Variants in LHFPL3 observed in about 807,000 individuals in gnomAD.
The protein encoded by LHFPL3 is LHFPL tetraspan subfamily member 3 protein.
LHFPL3 carries 5 observed loss-of-function variants against 19.3 expected under a neutral mutation model. The observed-to-expected ratio is 0.26, with a 90% confidence interval of 0.14 to 0.54. The LOEUF (loss-of-function observed/expected upper bound fraction) is 0.54, where lower values mean the gene tolerates loss of function less well. Among genes scored for constraint, LHFPL3 ranks in the 20% least tolerant of loss-of-function variants. The pLI, the probability that LHFPL3 is intolerant of heterozygous loss-of-function variation, is 0.94. For missense variants in LHFPL3, 249 were observed against 307.4 expected, an observed-to-expected ratio of 0.81 and a Z score of 1.42; for synonymous variants, 133 against 126.2, an observed-to-expected ratio of 1.05 and a Z score of -0.36.
intron 2 of LHFPL3, among the ~76,000 whole-genome samples, chr7:104,747,584 A>G (rs1794072726): frequency 2.0e-5 from 3 of 152,248 alleles, no homozygotes; most frequent in African/African-American, 7.2e-5. Context: ...TCAAGCAAAT[A>G]TAAGTAATAC....
chr7:104,891,517 C>CTGT (rs1792246429), intron 2 of LHFPL3, among the ~76,000 whole-genome samples: 1 of 152,148 alleles, frequency 6.6e-6, no homozygotes, highest in Non-Finnish European at 1.5e-5. Flanking sequence ...TTTAAAGGTC[C>CTGT]CACTGTTAAT....
chr7:104,690,575 A>C (rs1030374850), intron 1 of LHFPL3, among the ~76,000 whole-genome samples: 1 of 152,248 alleles, frequency 6.6e-6, no homozygotes, highest in Non-Finnish European at 1.5e-5. Flanking sequence ...GCCAGGGGAT[A>C]GGAAATAAAT....
chr7:104,668,040 G>C, intron 1 of LHFPL3: 1 of 1,613,724 alleles, frequency 6.2e-7, no homozygotes, highest in Non-Finnish European at 8.5e-7. Context: ...ACCCTACACT[G>C]CTTTTCTAGG....
Position 104,636,219 on chromosome 7 carries a change from T to G in LHFPL3, c.446-100456T>G, listed in dbSNP as rs1791726866. Among the ~76,000 whole-genome samples the G allele has an allele frequency of 2.6e-5, 4 of 152,070 alleles. No homozygotes were observed. The South Asian group carries it at 8.3e-4, about 32-fold the overall frequency. On this transcript the variant is annotated intron_variant, in intron 1 of 2. Transcript: ENST00000424859. ...GGAAATTAAGAGCTTTTTTCAATAG[T>G]TAGTGTCTAAAGCAGATGCATTTAG... is the stretch of plus-strand genomic sequence containing the variant.
At position 104,736,591 on chromosome 7, in the gene LHFPL3, G is replaced by T. The variant is rs957143723; in HGVS notation, c.446-84G>T. On this transcript the variant is annotated intron_variant, in intron 1 of 2. Transcript: ENST00000424859. ...CAAGAATAATTTGAAACAATGATTC[G>T]ACAGACAGTGGAAACATTTGCTAAG... is the stretch of plus-strand genomic sequence containing the variant. 4 of 831,410 alleles carry T rather than the reference G, an allele frequency of 4.8e-6. No individual in the cohort carries two copies. In the South Asian group the frequency reaches 6.6e-5, roughly 14 times the overall value. 51.5% of individuals were successfully genotyped at this position (831,410 alleles called of 1,614,324 possible). A position where few individuals can be genotyped will look rare whatever the true frequency, so the allele number is the denominator to read the frequency against.
intron 1 of LHFPL3, among the ~76,000 whole-genome samples, chr7:104,350,838 G>A (rs548872577): frequency 5.1e-4 from 77 of 152,214 alleles, no homozygotes; most frequent in Admixed American, 2.1e-3. Flanking sequence ...TCAGGAATTC[G>A]AGACCAGCCT....
At chr7:104,483,781 AT>A (rs1554399408) in intron 1 of LHFPL3, among the ~76,000 whole-genome samples, 1 of 151,768 alleles carries the variant, frequency 6.6e-6, no homozygotes, top group East Asian at 1.9e-4. Flanking sequence ...ATGACCAGCT[AT>A]TTTTTTTAAA....
At chr7:104,728,066 A>T (rs1009660829) in intron 1 of LHFPL3, among the ~76,000 whole-genome samples, 2 of 152,140 alleles carry the variant, frequency 1.3e-5, no homozygotes, top group African/African-American at 4.8e-5. Context: ...AATGCTTGGG[A>T]TGTGGGTCAA....
intron 1 of LHFPL3, chr7:104,669,374 G>A (rs1017635593): frequency 1.2e-4 from 190 of 1,613,156 alleles, no homozygotes; most frequent in Middle Eastern, 1.6e-4. Flanking sequence ...AACTCTAGCC[G>A]TGGTCCAGGA....
chr7:104,865,533 T>A (rs540184908), intron 2 of LHFPL3, among the ~76,000 whole-genome samples: 1 of 151,970 alleles, frequency 6.6e-6, no homozygotes, highest in Non-Finnish European at 1.5e-5. Context: ...GAAAAAAGAA[T>A]AAAAAGAAAT....
chr7:104,754,829 G>GATTCCT (rs1322324745), intron 2 of LHFPL3, among the ~76,000 whole-genome samples: 6 of 152,292 alleles, frequency 3.9e-5, no homozygotes, highest in African/African-American at 1.4e-4. Flanking sequence ...GAATCTCTCA[G>GATTCCT]ATGGCATCAG....
In LHFPL3 at chr7:104,505,597, T is replaced by A. The variant is rs116985829; in HGVS notation, c.445+176373T>A. On this transcript the variant is annotated intron_variant, in intron 1 of 2. Transcript: ENST00000424859. ...GTTTTGTTTGATAGGAAAAAAAAAATTTAAACTCTTTGGGAATATTGCAAT... is the reference window on the plus strand; with the variant it reads ...GTTTTGTTTGATAGGAAAAAAAAAAATTAAACTCTTTGGGAATATTGCAAT... 8.1e-3 allele frequency among the ~76,000 whole-genome samples: 1,231 copies of A among 152,132 alleles called. 28 individuals carry two copies. The East Asian group carries it at 0.09, about 11-fold the overall frequency.
chr7:104,395,762 A>C (rs1000664091), intron 1 of LHFPL3, among the ~76,000 whole-genome samples: 2 of 152,204 alleles, frequency 1.3e-5, no homozygotes, highest in Non-Finnish European at 2.9e-5. Context: ...CTAGGACACC[A>C]GGTAATTTCA....
intron 1 of LHFPL3, among the ~76,000 whole-genome samples, chr7:104,504,288 T>A (rs1317464694): frequency 6.6e-6 from 1 of 152,200 alleles, no homozygotes; most frequent in Non-Finnish European, 1.5e-5. Flanking sequence ...ATATTTTTTA[T>A]CTTTTAAGTC....
chr7:104,629,836 A>G (rs1381756178), intron 1 of LHFPL3, among the ~76,000 whole-genome samples: 5 of 152,146 alleles, frequency 3.3e-5, no homozygotes. Flanking sequence ...GATGGGATTC[A>G]CTTCTGACCA....
intron 1 of LHFPL3, among the ~76,000 whole-genome samples, chr7:104,588,673 T>A (rs1353839636): frequency 6.6e-6 from 1 of 152,234 alleles, no homozygotes; most frequent in Non-Finnish European, 1.5e-5. Context: ...GGTAGCTTGA[T>A]GGGGATGGCA....
At chr7:104,504,453 T>C (rs539000296) in intron 1 of LHFPL3, among the ~76,000 whole-genome samples, 3 of 152,338 alleles carry the variant, frequency 2.0e-5, no homozygotes, top group South Asian at 4.1e-4. Context: ...GTTTCCCTTA[T>C]GACATTAAAT....
intron 2 of LHFPL3, among the ~76,000 whole-genome samples, chr7:104,850,896 A>G (rs1791404303): frequency 6.6e-6 from 1 of 151,832 alleles, no homozygotes; most frequent in Non-Finnish European, 1.5e-5. Context: ...CTGACCCCTC[A>G]CCCACAGAGA....
At chr7:104,464,278 C>T (rs998636311) in intron 1 of LHFPL3, among the ~76,000 whole-genome samples, 3 of 152,226 alleles carry the variant, frequency 2.0e-5, no homozygotes, top group African/African-American at 7.2e-5. Flanking sequence ...TTGCAGGGTA[C>T]AGCCCCCTTC....
Sources: gnomAD v4.1 joint callset for allele counts (sites outside exome capture counted in the v4.1 genomes callset) on GRCh38, gnomAD v4.1.1 for gene constraint, MANE v1.5 for transcripts, NCBI Gene and HGNC (gene_info 2026-07-23, HGNC 2026-07-21) for gene names.